HTR1E: variants seen among roughly 807,000 people sequenced by gnomAD.
The protein encoded by HTR1E is 5-hydroxytryptamine receptor 1E, also known as 5-HT-1E.
In HTR1E, 3 loss-of-function variants were observed where a neutral mutation model predicts 3.4. The ratio of observed to expected loss-of-function variants is 0.89; its 90% CI spans 0.41 to 2.31. The LOEUF is 2.31. HTR1E is among the 30% of genes most tolerant of loss of function. HTR1E has a pLI of 0.05. For synonymous variants in HTR1E, 170 were observed against 182.8 expected (o/e 0.93, Z 0.56); for missense variants, 392 against 467.0 (o/e 0.84, Z 1.48).
At position 87,014,633 on chromosome 6, in the gene HTR1E, A is replaced by C. The variant is rs150741832; in HGVS notation, c.-185-517A>C. On this transcript the variant is annotated intron_variant, in intron 1 of 1. Coordinates refer to ENST00000305344, the MANE Select transcript of HTR1E (RefSeq NM_000865.3). ...ATGGAATACTATGCAGCCATAAAAA[A>C]GGATGAGTTCATGTCCTTTGCAGGG... Among the ~76,000 whole-genome samples the C allele has an allele frequency of 5.6e-4, 86 of 152,370 alleles. 1 individual carries two copies. Among genetic ancestry groups the C allele is most frequent in the African/African-American group, 2.0e-3 (85 of 41,586 alleles).
intron 1 of HTR1E, among the ~76,000 whole-genome samples, chr6:86,952,928 A>G (rs2127818348): frequency 6.6e-6 from 1 of 152,354 alleles, no homozygotes; most frequent in East Asian, 1.9e-4. Flanking sequence ...CAAGGATTGC[A>G]AGAAAGGTGA....
At chr6:86,995,338 G>A (rs896481106) in intron 1 of HTR1E, among the ~76,000 whole-genome samples, 1 of 136,904 alleles carries the variant, frequency 7.3e-6, no homozygotes, top group East Asian at 2.2e-4. Flanking sequence ...GTCTACATAC[G>A]AATGAAAGAC....
At chr6:86,960,929 T>TA (rs907875720) in intron 1 of HTR1E, among the ~76,000 whole-genome samples, 3 of 152,106 alleles carry the variant, frequency 2.0e-5, no homozygotes, top group African/African-American at 7.2e-5. Context: ...AACCCATATT[T>TA]AAAAAAAATT....
intron 1 of HTR1E, among the ~76,000 whole-genome samples, chr6:86,958,318 T>A (rs1263915447): frequency 6.6e-6 from 1 of 152,092 alleles, no homozygotes; most frequent in Non-Finnish European, 1.5e-5. Context: ...TTGGCCTCAA[T>A]AGAGGCATTT....
intron 1 of HTR1E, among the ~76,000 whole-genome samples, chr6:87,005,148 A>C (rs1462327279): frequency 6.6e-6 from 1 of 152,214 alleles, no homozygotes; most frequent in East Asian, 1.9e-4. Context: ...AATATTGTTA[A>C]AATATCCATA....
At chr6:86,955,567 G>A (rs1204690912) in intron 1 of HTR1E, among the ~76,000 whole-genome samples, 2 of 152,194 alleles carry the variant, frequency 1.3e-5, no homozygotes. Context: ...TCAGGCTTCT[G>A]ATCCACAGAA....
At chr6:86,976,171 A>G (rs542503045) in intron 1 of HTR1E, among the ~76,000 whole-genome samples, 1 of 152,306 alleles carries the variant, frequency 6.6e-6, no homozygotes, top group Admixed American at 6.5e-5. Context: ...AGGGATGAGT[A>G]AATAAGAAAA....
intron 1 of HTR1E, among the ~76,000 whole-genome samples, chr6:86,994,124 G>C (rs1228876621): frequency 6.6e-6 from 1 of 152,140 alleles, no homozygotes; most frequent in Non-Finnish European, 1.5e-5. Flanking sequence ...AAAATCAACA[G>C]AGTATTGGGG....
At chr6:87,008,222 C>A (rs1391516907) in intron 1 of HTR1E, among the ~76,000 whole-genome samples, 1 of 152,160 alleles carries the variant, frequency 6.6e-6, no homozygotes, top group East Asian at 1.9e-4. Context: ...GCTGCAGTAT[C>A]TCCTCTACAT....
intron 1 of HTR1E, among the ~76,000 whole-genome samples, chr6:87,007,007 G>A (rs1188468380): frequency 6.6e-6 from 1 of 152,150 alleles, no homozygotes; most frequent in Non-Finnish European, 1.5e-5. Flanking sequence ...CTTGATAGGT[G>A]CAGCAAATCA....
At chr6:86,970,942 T>C (rs1767543586) in intron 1 of HTR1E, 2 of 328,864 alleles carry the variant, frequency 6.1e-6, no homozygotes, top group Non-Finnish European at 1.2e-5. Flanking sequence ...GCAAAGTCAA[T>C]AAATTAATCG....
chr6:87,016,190 G>A lies in HTR1E; in HGVS notation c.856G>A (p.Glu286Lys), dbSNP rs1249149808. 1 of 1,614,030 alleles carries A rather than the reference G, an allele frequency of 6.2e-7. No individual in the cohort carries two copies. The highest frequency in any genetic ancestry group is 1.3e-5 in the African/African-American group (1 of 74,916). The change falls in exon 2 of 2, where the codon GAA becomes AAA. Residue 286 changes from glutamate to lysine, a missense_variant. Glu to Lys is a moderately conservative substitution (Grantham distance 56). Coordinates refer to ENST00000305344, the MANE Select transcript of HTR1E (RefSeq NM_000865.3). Reference sequence around the variant, plus strand: ...ACGTCAGCAGATCTCTAGCACCAGGGAACGGAAGGCAGCACGCATCCTGGG... The same window carrying A: ...ACGTCAGCAGATCTCTAGCACCAGGAAACGGAAGGCAGCACGCATCCTGGG... ...GERQQISSTRERKAARILGLI... is the reference protein window; with the variant it reads ...GERQQISSTRKRKAARILGLI...
At chr6:86,963,074 T>C (rs1767430378) in intron 1 of HTR1E, among the ~76,000 whole-genome samples, 1 of 152,184 alleles carries the variant, frequency 6.6e-6, no homozygotes, top group Admixed American at 6.5e-5. Flanking sequence ...GACAGCACCA[T>C]GCATGTTACT....
At chr6:87,000,882 T>C (rs1360169614) in intron 1 of HTR1E, among the ~76,000 whole-genome samples, 1 of 152,220 alleles carries the variant, frequency 6.6e-6, no homozygotes, top group East Asian at 1.9e-4. Flanking sequence ...AAACTATTCA[T>C]ATCTTGAGTA....
intron 1 of HTR1E, among the ~76,000 whole-genome samples, chr6:86,996,814 A>T (rs978617619): frequency 6.6e-6 from 1 of 152,038 alleles, no homozygotes; most frequent in Non-Finnish European, 1.5e-5. Flanking sequence ...CTATCAAAAG[A>T]TTAAAGAATT....
At chr6:86,951,964 TA>T (rs1444637266) in intron 1 of HTR1E, among the ~76,000 whole-genome samples, 3 of 152,284 alleles carry the variant, frequency 2.0e-5, no homozygotes, top group Non-Finnish European at 4.4e-5. Flanking sequence ...AAACTCATAA[TA>T]ACTGCTTCCT....
At chr6:86,953,737 G>T (rs2127818581) in intron 1 of HTR1E, among the ~76,000 whole-genome samples, 1 of 152,300 alleles carries the variant, frequency 6.6e-6, no homozygotes, top group South Asian at 2.1e-4. Context: ...TTGCTATAAA[G>T]AACTACCTGA....
intron 1 of HTR1E, among the ~76,000 whole-genome samples, chr6:86,995,434 G>A (rs922935677): frequency 2.0e-5 from 3 of 151,690 alleles, no homozygotes; most frequent in Admixed American, 6.6e-5. Context: ...GGGAGGTCGA[G>A]GTGGGCGGAT....
intron 1 of HTR1E, among the ~76,000 whole-genome samples, chr6:87,012,100 G>T (rs1768246838): frequency 6.8e-6 from 1 of 146,826 alleles, no homozygotes; most frequent in South Asian, 2.1e-4. Flanking sequence ...TACGGAAGCA[G>T]TCTGGGGATC....
Sources: gnomAD v4.1 joint callset for allele counts (sites outside exome capture counted in the v4.1 genomes callset) on GRCh38, gnomAD v4.1.1 for gene constraint, MANE v1.5 for transcripts, NCBI Gene and HGNC (gene_info 2026-07-23, HGNC 2026-07-21) for gene names.